The following CAPN13 variants were observed in gnomAD, a reference collection of about 807,000 sequenced individuals.
The protein encoded by CAPN13 is calpain 13, also known as calpain-13.
Under a neutral mutation model 98.4 loss-of-function variants are expected in CAPN13, and 90 were observed. The ratio of observed to expected loss-of-function variants is 0.92; its 90% CI spans 0.77 to 1.09. CAPN13 has a LOEUF of 1.09. Among genes scored for constraint, CAPN13 ranks in the 50% least tolerant of loss-of-function variants. The pLI, the probability that CAPN13 is intolerant of heterozygous loss-of-function variation, is 0.00. For missense variants in CAPN13, 887 were observed against 841.3 expected (o/e 1.05, Z -0.67); for synonymous variants, 330 against 305.5 (o/e 1.08, Z -0.84).
rs1558347595 is a variant in CAPN13, at chr2:30,796,222, A to ATGTATATATATGTG, written c.-32-8866_-32-8865insCACATATATATACA. Among the ~76,000 whole-genome samples the ATGTATATATATGTG allele has an allele frequency of 8.9e-3, 937 of 104,788 alleles. 15 individuals are homozygous for ATGTATATATATGTG. Among genetic ancestry groups the ATGTATATATATGTG allele is most frequent in the African/African-American group, 0.032 (880 of 27,788 alleles). The allele number at this position is 104,788 out of a possible 152,430, so 68.7% of individuals were successfully genotyped here. A position where few individuals can be genotyped will look rare whatever the true frequency, so the allele number is the denominator to read the frequency against. On this transcript the variant is annotated intron_variant, in intron 1 of 22. Transcript: ENST00000295055. ...TGTGTATATATATATACACATATAT[A>ATGTATATATATGTG]TGTATATATATATGTGTGCATATAT... is the stretch of plus-strand genomic sequence containing the variant.
At position 30,751,183 on chromosome 2, in the gene CAPN13, C is replaced by T. The variant is rs770011599; in HGVS notation, c.1156G>A (p.Val386Met). The change falls in exon 11 of 23, where the codon GTG becomes ATG. Residue 386 changes from valine to methionine, a missense_variant. By Grantham distance (21) the Val-to-Met change is conservative. Transcript: ENST00000295055. ...GGTGTGACAGCAACTGTGACGCACACGACAACATTGGTGCCTTCCATTGGC... is the reference window on the plus strand; with the variant it reads ...GGTGTGACAGCAACTGTGACGCACATGACAACATTGGTGCCTTCCATTGGC... Reference protein sequence around the residue: ...QEPMEGTNVVVCVTVAVTPSN... With the variant: ...QEPMEGTNVVMCVTVAVTPSN... The T allele has an allele frequency of 3.3e-5, 53 of 1,613,808 alleles. No homozygotes were observed. The highest frequency in any genetic ancestry group is 3.2e-4 in the South Asian group (29 of 91,068).
intron 1 of CAPN13, among the ~76,000 whole-genome samples, chr2:30,799,982 G>T (rs1283949644): frequency 1.3e-5 from 2 of 152,028 alleles, no homozygotes; most frequent in East Asian, 1.9e-4. Flanking sequence ...ACTGAGGCAG[G>T]AGAATGGCAT....
intron 1 of CAPN13, among the ~76,000 whole-genome samples, chr2:30,800,562 C>T (rs1176331740): frequency 5.3e-5 from 8 of 152,194 alleles, no homozygotes; most frequent in Admixed American, 2.0e-4. Context: ...CCCCTAGCCT[C>T]GGTCTCCCCA....
intron 3 of CAPN13, among the ~76,000 whole-genome samples, 175 bp from the exon 4 acceptor site, chr2:30,776,220 G>A (rs1673684753): frequency 6.6e-6 from 1 of 152,120 alleles, no homozygotes; most frequent in South Asian, 2.1e-4. Flanking sequence ...CTCCAAGCAA[G>A]ATAAAGAAGG....
chr2:30,773,115 C>T (rs1369655498), intron 4 of CAPN13, among the ~76,000 whole-genome samples: 7 of 152,162 alleles, frequency 4.6e-5, no homozygotes, highest in East Asian at 1.9e-4. Flanking sequence ...TGAGCCACTG[C>T]GCCTGGCCAG....
At chr2:30,772,542 A>G (rs1254989028) in intron 4 of CAPN13, among the ~76,000 whole-genome samples, 3 of 152,212 alleles carry the variant, frequency 2.0e-5, no homozygotes, top group African/African-American at 7.2e-5. Context: ...GGACAAGCCC[A>G]GACACAGCTC....
intron 1 of CAPN13, among the ~76,000 whole-genome samples, chr2:30,799,159 CAG>C (rs765132889): frequency 1.3e-4 from 19 of 148,944 alleles, no homozygotes; most frequent in Non-Finnish European, 2.2e-4. Context: ...GGAAGGAAGA[CAG>C]AGAGGGGGAA....
chr2:30,730,511 T>G (rs1671030231), intron 22 of CAPN13, among the ~76,000 whole-genome samples: 1 of 152,224 alleles, frequency 6.6e-6, no homozygotes, highest in Non-Finnish European at 1.5e-5. Context: ...AAGCCATGCC[T>G]TTCCATAAAG....
intron 17 of CAPN13, among the ~76,000 whole-genome samples, chr2:30,736,876 G>T (rs1001091767): frequency 8.5e-5 from 13 of 152,224 alleles, no homozygotes; most frequent in Non-Finnish European, 1.6e-4. Context: ...GGGCCCTCTG[G>T]CTCCAGAAGT....
At position 30,730,784 on chromosome 2, in the gene CAPN13, C is replaced by T. The variant is rs1311643340; in HGVS notation, c.1986G>A (p.Trp662Ter). Residue 662 changes from tryptophan to a stop codon, truncating the protein, a stop_gained and splice_region_variant, in exon 22 of 23, where the codon TGG becomes TGA. Coordinates refer to ENST00000295055, the MANE Select transcript of CAPN13 (RefSeq NM_144575.3). LOFTEE classifies it high-confidence loss of function. Reference protein sequence around the residue: ...GKGLYLTEMEWMSLVMYN With the variant: ...GKGLYLTEME ...TTCAGTTGTACATGACCAGGCTCAT[C>T]CACTGAAAAATAAGCATCATCATTA... 1.3e-6 allele frequency: 1 copy of T among 780,860 alleles called. No homozygotes were observed. The highest frequency in any genetic ancestry group is 2.4e-6 in the Non-Finnish European group (1 of 417,980). 48.4% of individuals were successfully genotyped at this position (780,860 alleles called of 1,614,324 possible). A position where few individuals can be genotyped will look rare whatever the true frequency, so the allele number is the denominator to read the frequency against.
chr2:30,766,315 C>G (rs775163054), intron 5 of CAPN13, among the ~76,000 whole-genome samples: 5 of 152,214 alleles, frequency 3.3e-5, no homozygotes, highest in Admixed American at 6.5e-5. Context: ...CCGGCAGTCA[C>G]CTCGGAGTCA....
chr2:30,800,140 G>GAAAGAAAGAA (rs1558351567), intron 1 of CAPN13, among the ~76,000 whole-genome samples: 5 of 145,158 alleles, frequency 3.4e-5, no homozygotes, highest in Admixed American at 6.8e-5. Context: ...AAGAAAGAAA[G>GAAAGAAAGAA]AAAGAAAGAA....
At chr2:30,736,426 G>C in intron 18 of CAPN13, 77 bp downstream of exon 18, 1 of 1,380,618 alleles carries the variant, frequency 7.2e-7, no homozygotes, top group Non-Finnish European at 1.0e-6. Flanking sequence ...CTGAACCCTG[G>C]TGCAGGGTTA....
intron 7 of CAPN13, among the ~76,000 whole-genome samples, chr2:30,758,944 CCCTT>C (rs1033276861): frequency 1.4e-5 from 2 of 141,718 alleles, no homozygotes; most frequent in African/African-American, 5.3e-5. Context: ...CTCCCTCCCT[CCCTT>C]TCTTCCCTCC....
chr2:30,750,395 C>T (rs866857151), intron 11 of CAPN13, among the ~76,000 whole-genome samples: 8 of 152,192 alleles, frequency 5.3e-5, no homozygotes, highest in South Asian at 2.1e-4. Flanking sequence ...ATCTGTAAAA[C>T]AAACCCCTGT....
At chr2:30,758,904 C>T (rs1395566364) in intron 7 of CAPN13, among the ~76,000 whole-genome samples, 6 of 144,804 alleles carry the variant, frequency 4.1e-5, no homozygotes, top group African/African-American at 1.0e-4. Context: ...TACTCCCTCT[C>T]GTCTTCCCTT....
intron 2 of CAPN13, among the ~76,000 whole-genome samples, chr2:30,782,708 C>G (rs1288611306): frequency 6.6e-6 from 1 of 152,170 alleles, no homozygotes; most frequent in Non-Finnish European, 1.5e-5. Context: ...ACCTGTTAAG[C>G]AACGTGCTTG....
At chr2:30,744,590 T>C (rs1229325523) in intron 12 of CAPN13, among the ~76,000 whole-genome samples, 3 of 152,174 alleles carry the variant, frequency 2.0e-5, no homozygotes, top group Non-Finnish European at 4.4e-5. Flanking sequence ...ATGCCTCCTA[T>C]AATTAGAAGG....
At chr2:30,739,774 CAA>C (rs1230264215) in intron 15 of CAPN13, among the ~76,000 whole-genome samples, 1 of 152,120 alleles carries the variant, frequency 6.6e-6, no homozygotes, top group South Asian at 2.1e-4. Flanking sequence ...CATAACCAAC[CAA>C]AAGAGTCTGA....
Sources: allele counts gnomAD v4.1 joint callset (sites outside exome capture counted in the v4.1 genomes callset), GRCh38; gene constraint gnomAD v4.1.1; transcripts MANE v1.5; gene names NCBI Gene and HGNC (gene_info 2026-07-23, HGNC 2026-07-21).